Variants in PKIA observed in about 807,000 individuals in gnomAD.
The protein encoded by PKIA is cAMP-dependent protein kinase inhibitor alpha.
PKIA carries 4 observed loss-of-function variants against 7.6 expected under a neutral mutation model. The ratio of observed to expected loss-of-function variants is 0.52; its 90% CI spans 0.26 to 1.20. PKIA has a LOEUF of 1.20. Ranked by LOEUF, PKIA falls within the 50% of genes most tolerant of loss-of-function variation. PKIA has a pLI of 0.13. For synonymous variants in PKIA, 21 were observed against 30.7 expected (o/e 0.68, Z 1.04); for missense variants, 73 against 86.2 (o/e 0.85, Z 0.61).
intron 1 of PKIA, among the ~76,000 whole-genome samples, chr8:78,571,644 T>C (rs1807550467): frequency 1.3e-5 from 2 of 152,190 alleles, no homozygotes. Context: ...TGTTCAGTGC[T>C]GTGCCTCTCT....
chr8:78,580,565 T>G (rs1167725567), intron 2 of PKIA, among the ~76,000 whole-genome samples: 1 of 152,028 alleles, frequency 6.6e-6, no homozygotes, highest in Non-Finnish European at 1.5e-5. Flanking sequence ...AGGAGCATAG[T>G]GTGAGCTGTT....
At chr8:78,524,320 GA>G (rs1316478145) in intron 1 of PKIA, among the ~76,000 whole-genome samples, 1 of 149,810 alleles carries the variant, frequency 6.7e-6, no homozygotes, top group Non-Finnish European at 1.5e-5. Flanking sequence ...GATTCATTCT[GA>G]AAAGACTATT....
chr8:78,597,310 A>G (rs1271288967), intron 2 of PKIA, among the ~76,000 whole-genome samples: 1 of 152,160 alleles, frequency 6.6e-6, no homozygotes, highest in Non-Finnish European at 1.5e-5. Context: ...GGTTTTGAGT[A>G]ATCAGTTTTT....
intron 2 of PKIA, among the ~76,000 whole-genome samples, chr8:78,593,658 A>G (rs551298038): frequency 3.9e-5 from 6 of 152,374 alleles, no homozygotes; most frequent in Non-Finnish European, 7.3e-5. Context: ...GAATTATTCC[A>G]AGTTCCAAAA....
chr8:78,541,197 T>C (rs1006417235), intron 1 of PKIA, among the ~76,000 whole-genome samples: 9 of 152,172 alleles, frequency 5.9e-5, no homozygotes, highest in African/African-American at 1.9e-4. Flanking sequence ...GTTAAATTTA[T>C]ACCACTTACT....
At chr8:78,529,425 G>A (rs1191652695) in intron 1 of PKIA, among the ~76,000 whole-genome samples, 3 of 151,928 alleles carry the variant, frequency 2.0e-5, no homozygotes, top group Non-Finnish European at 4.4e-5. Flanking sequence ...TTCCTATAAT[G>A]CTTTTATATC....
intron 2 of PKIA, among the ~76,000 whole-genome samples, chr8:78,595,766 G>C (rs1472435505): frequency 6.6e-6 from 1 of 152,158 alleles, no homozygotes; most frequent in Admixed American, 6.5e-5. Context: ...ACATGATCTT[G>C]TCCACTGTTG....
chr8:78,591,139 T>C (rs559675677), intron 2 of PKIA: 44 of 152,726 alleles, frequency 2.9e-4, no homozygotes, highest in Non-Finnish European at 5.3e-4. Context: ...ATGTGTCCCA[T>C]TTACAGGAGT....
At chr8:78,595,369 AG>A (rs1332861324) in intron 2 of PKIA, among the ~76,000 whole-genome samples, 1 of 152,170 alleles carries the variant, frequency 6.6e-6, no homozygotes, top group Non-Finnish European at 1.5e-5. Context: ...GGCTGTGACG[AG>A]GGGAGAGAAT....
At chr8:78,589,273 T>C (rs553077481) in intron 2 of PKIA, among the ~76,000 whole-genome samples, 1 of 151,866 alleles carries the variant, frequency 6.6e-6, no homozygotes, top group African/African-American at 2.4e-5. Context: ...TTAAAGAGCA[T>C]ACAAAAAAAA....
At chr8:78,543,710 C>G (rs1207888289) in intron 1 of PKIA, among the ~76,000 whole-genome samples, 2 of 152,140 alleles carry the variant, frequency 1.3e-5, no homozygotes, top group Admixed American at 6.6e-5. Context: ...CCGTCACCTA[C>G]CTGGAGATTG....
intron 1 of PKIA, among the ~76,000 whole-genome samples, chr8:78,516,904 T>A (rs908245150): frequency 2.6e-5 from 4 of 152,160 alleles, no homozygotes; most frequent in African/African-American, 9.7e-5. Context: ...CCTTTCCAGT[T>A]ATCAGAATGG....
At chr8:78,561,625 A>G (rs1020963370) in intron 1 of PKIA, among the ~76,000 whole-genome samples, 1 of 152,164 alleles carries the variant, frequency 6.6e-6, no homozygotes, top group African/African-American at 2.4e-5. Context: ...GAACTTCTCA[A>G]GTAGGGCCAT....
chr8:78,570,596 T>G (rs1340457137), intron 1 of PKIA, among the ~76,000 whole-genome samples: 1 of 152,188 alleles, frequency 6.6e-6, no homozygotes, highest in Non-Finnish European at 1.5e-5. Context: ...TTCTATCTTC[T>G]TTTCCTCTAA....
chr8:78,586,372 A>G (rs972238322), intron 2 of PKIA, among the ~76,000 whole-genome samples: 3 of 152,172 alleles, frequency 2.0e-5, no homozygotes, highest in Non-Finnish European at 4.4e-5. Context: ...TGCATTTTCA[A>G]AAATATTTTG....
chr8:78,572,586 A>G (rs1807578943), intron 1 of PKIA, among the ~76,000 whole-genome samples: 1 of 151,222 alleles, frequency 6.6e-6, no homozygotes, highest in Non-Finnish European at 1.5e-5. Flanking sequence ...TAATTAACAA[A>G]GGCTAACCAG....
At chr8:78,539,691 G>A (rs998209728) in intron 1 of PKIA, among the ~76,000 whole-genome samples, 15 of 151,862 alleles carry the variant, frequency 9.9e-5, no homozygotes, top group African/African-American at 3.4e-4. Flanking sequence ...TGATTATGTA[G>A]TCCACAAGGA....
intron 1 of PKIA, among the ~76,000 whole-genome samples, chr8:78,536,592 A>G (rs1258061201): frequency 6.6e-6 from 1 of 152,108 alleles, no homozygotes; most frequent in Non-Finnish European, 1.5e-5. Context: ...TTCATTCTGA[A>G]ATGGAAAAAT....
At chr8:78,529,157 T>C (rs1278415659) in intron 1 of PKIA, among the ~76,000 whole-genome samples, 1 of 152,072 alleles carries the variant, frequency 6.6e-6, no homozygotes, top group East Asian at 1.9e-4. Context: ...AAATGATTTA[T>C]TTTAGAACAT....
Sources: gnomAD v4.1 joint callset for allele counts (sites outside exome capture counted in the v4.1 genomes callset) on GRCh38, gnomAD v4.1.1 for gene constraint, MANE v1.5 for transcripts, NCBI Gene and HGNC (gene_info 2026-07-23, HGNC 2026-07-21) for gene names.